MAST2: variants seen among roughly 807,000 people sequenced by gnomAD.
MAST2 encodes the protein microtubule-associated serine/threonine-protein kinase 2.
Under a neutral mutation model 147.4 loss-of-function variants are expected in MAST2, and 70 were observed. The ratio of observed to expected loss-of-function variants is 0.47; its 90% CI spans 0.39 to 0.58. The LOEUF (loss-of-function observed/expected upper bound fraction) is 0.58, where lower values mean the gene tolerates loss of function less well. Ranked by LOEUF, MAST2 falls within the 20% of genes least tolerant of loss-of-function variation. The pLI, the probability that MAST2 is intolerant of heterozygous loss-of-function variation, is 0.00. For missense variants in MAST2, 2,080 were observed against 2,302.3 expected, an observed-to-expected ratio of 0.90 and a Z score of 1.98; for synonymous variants, 869 against 896.8, an observed-to-expected ratio of 0.97 and a Z score of 0.55.
intron 10 of MAST2, among the ~76,000 whole-genome samples, chr1:46,018,413 C>T (rs139764113): frequency 7.2e-4 from 109 of 152,032 alleles, no homozygotes; most frequent in Middle Eastern, 3.4e-3. Context: ...TTTGGTTGCA[C>T]GTAATAGAAA....
rs532966700 is a variant in MAST2, at chr1:45,968,311, C to T, written c.592+8834C>T. On this transcript the variant is annotated intron_variant, in intron 5 of 28. Transcript: ENST00000361297. Reference sequence around the variant, plus strand: ...TTGTTTCATGTAGAGTTCACTTTCTCCCCTATATAATTTTCTCTCTGAACA... The same window carrying T: ...TTGTTTCATGTAGAGTTCACTTTCTTCCCTATATAATTTTCTCTCTGAACA... Among the ~76,000 whole-genome samples the T allele has an allele frequency of 5.3e-5, 8 of 152,228 alleles. No individual in the cohort carries two copies. In the East Asian group the frequency reaches 1.3e-3, roughly 26 times the overall value.
chr1:45,855,075 A>C (rs1645744557), intron 3 of MAST2, among the ~76,000 whole-genome samples: 1 of 152,174 alleles, frequency 6.6e-6, no homozygotes, highest in South Asian at 2.1e-4. Flanking sequence ...GCTTTATCAC[A>C]TAGGCATGAT....
chr1:46,035,300 A>G lies in MAST2; in HGVS notation c.4631A>G (p.Glu1544Gly). The G allele has an allele frequency of 6.2e-7, 1 of 1,613,968 alleles. No homozygotes were observed. The highest frequency in any genetic ancestry group is 1.1e-5 in the South Asian group (1 of 91,078). The change falls in exon 29 of 29, where the codon GAG becomes GGG. Residue 1544 changes from glutamate (E) to glycine (G), a missense_variant. Transcript: ENST00000361297. This position sits in a 1 kb window ranked among gnomAD's most constrained non-coding sequence, Gnocchi z 5.5. ...APKGAGESGEEDPFPSRDPRS... is the reference protein window; with the variant it reads ...APKGAGESGEGDPFPSRDPRS... ...AAAGGAGCAGGAGAGAGTGGGGAAG[A>G]GGATCCTTTCCCGTCCAGAGACCCT...
chr1:45,853,552 C>T (rs1304643352), intron 3 of MAST2, among the ~76,000 whole-genome samples: 2 of 151,898 alleles, frequency 1.3e-5, no homozygotes, highest in Non-Finnish European at 2.9e-5. Flanking sequence ...CAGGTTTTTA[C>T]CATGTTGACC....
chr1:45,806,670 C>T (rs770659889), intron 1 of MAST2, among the ~76,000 whole-genome samples: 8 of 152,182 alleles, frequency 5.3e-5, no homozygotes, highest in African/African-American at 7.2e-5. Context: ...CTCTGCCTCC[C>T]GGATTCAAGC....
intron 5 of MAST2, among the ~76,000 whole-genome samples, chr1:45,965,159 T>C (rs1313241917): frequency 6.6e-6 from 1 of 152,214 alleles, no homozygotes; most frequent in African/African-American, 2.4e-5. Flanking sequence ...AATTTTGGAA[T>C]AGGTGCGGTG....
intron 1 of MAST2, among the ~76,000 whole-genome samples, chr1:45,822,715 C>G (rs1472197935): frequency 2.0e-5 from 3 of 151,674 alleles, no homozygotes; most frequent in Admixed American, 1.3e-4. Context: ...CCTCAGTTCT[C>G]TCTACCTAGA....
intron 3 of MAST2, among the ~76,000 whole-genome samples, chr1:45,881,737 A>C (rs1646853729): frequency 6.6e-6 from 1 of 151,136 alleles, no homozygotes; most frequent in East Asian, 2.0e-4. Flanking sequence ...GCAGCAGTTA[A>C]TGGCTGGCCT....
intron 5 of MAST2, among the ~76,000 whole-genome samples, chr1:45,991,408 A>G (rs748464933): frequency 1.1e-4 from 17 of 152,200 alleles, no homozygotes; most frequent in Non-Finnish European, 1.6e-4. Flanking sequence ...CAATTTGTCA[A>G]TATTCACAAA....
At chr1:45,908,937 T>C (rs1421180464) in intron 4 of MAST2, among the ~76,000 whole-genome samples, 1 of 152,216 alleles carries the variant, frequency 6.6e-6, no homozygotes, top group Non-Finnish European at 1.5e-5. Context: ...TTACATTGTA[T>C]ATTTTGTCTA....
chr1:45,978,873 G>C (rs1263719219), intron 5 of MAST2, among the ~76,000 whole-genome samples: 1 of 152,172 alleles, frequency 6.6e-6, no homozygotes, highest in African/African-American at 2.4e-5. Flanking sequence ...AGAGGGAAAT[G>C]AAGAGTGACT....
intron 4 of MAST2, among the ~76,000 whole-genome samples, chr1:45,902,408 C>T (rs999802157): frequency 6.6e-6 from 1 of 152,068 alleles, no homozygotes; most frequent in African/African-American, 2.4e-5. Flanking sequence ...AGGATTTTTA[C>T]ATTCATGTTC....
chr1:46,031,068 A>G lies in MAST2; in HGVS notation c.2770A>G (p.Met924Val), dbSNP rs777057483. The change falls in exon 23 of 29, where the codon ATG (methionine) becomes GTG (valine). Residue 924 changes from methionine (M) to valine (V), a missense_variant. By Grantham distance (21) the Met-to-Val change is conservative (BLOSUM62 1). Around this residue, in one of 4 missense-constraint regions of MAST2, gnomAD observed 1,278 missense variants for 1,304.2 expected, o/e 0.98. Transcript: ENST00000361297. The surrounding 1 kb of genome is among the most constrained non-coding windows in gnomAD (Gnocchi z 4.1). ...CACAGAGAGTGACTCAAGCCCTCCA[A>G]TGACAGTGCGACGCCGCTGCTCAGG... The part of the protein sequence containing the change: ...SHTESDSSPP[M>V]TVRRRCSGLL... The G allele has an allele frequency of 1.5e-5, 25 of 1,613,626 alleles. No individual in the cohort carries two copies. Among genetic ancestry groups the G allele is most frequent in the Middle Eastern group, 1.6e-4 (1 of 6,068 alleles).
chr1:45,825,709 A>T (rs1027848362), intron 2 of MAST2, among the ~76,000 whole-genome samples: 2 of 151,640 alleles, frequency 1.3e-5, no homozygotes, highest in Non-Finnish European at 2.9e-5. Flanking sequence ...CTGGGATTAC[A>T]TATGGGAGGT....
At chr1:45,888,454 C>T (rs1303309833) in intron 4 of MAST2, among the ~76,000 whole-genome samples, 1 of 151,936 alleles carries the variant, frequency 6.6e-6, no homozygotes. Context: ...GCTCCGCCTC[C>T]CGGGTTCACA....
chr1:45,831,345 A>C (rs1644951101), intron 3 of MAST2, among the ~76,000 whole-genome samples: 1 of 152,132 alleles, frequency 6.6e-6, no homozygotes. Context: ...GTGGAGTAGA[A>C]AGTTTTGTCC....
At chr1:45,933,063 TA>T (rs61544126) in intron 4 of MAST2, among the ~76,000 whole-genome samples, 11,034 of 87,910 alleles carry the variant, frequency 0.13, 540 homozygotes, top group East Asian at 0.29. Context: ...CCCATTTCTT[TA>T]AAAAAAAAAA....
chr1:45,905,325 CAGG>C (rs1650507752), intron 4 of MAST2, among the ~76,000 whole-genome samples: 1 of 151,944 alleles, frequency 6.6e-6, no homozygotes, highest in Non-Finnish European at 1.5e-5. Context: ...GCTGGGAGTA[CAGG>C]CATGCGCCAC....
intron 7 of MAST2, 87 bp from the exon 8 acceptor site, chr1:46,006,154 G>A: frequency 1.5e-6 from 2 of 1,354,156 alleles, no homozygotes; most frequent in Non-Finnish European, 2.0e-6. Context: ...TGACTGGGAA[G>A]TTCCCTGACC....
Sources: gnomAD v4.1 joint callset for allele counts (sites outside exome capture counted in the v4.1 genomes callset) on GRCh38, gnomAD v4.1.1 for gene constraint, gnomAD v4.1.1 regional missense constraint, Gnocchi (gnomAD v3.1) non-coding constraint, MANE v1.5 for transcripts, NCBI Gene and HGNC (gene_info 2026-07-23, HGNC 2026-07-21) for gene names.